Variants in HLTF observed in about 807,000 individuals in gnomAD.
HLTF encodes helicase like transcription factor.
A neutral mutation model predicts 129.4 loss-of-function variants in HLTF; 127 were observed. That is an observed-to-expected ratio of 0.98 (90% confidence interval 0.85 to 1.14). HLTF has a LOEUF of 1.14. HLTF is among the 50% of genes most tolerant of loss of function. HLTF has a pLI of 0.00. For synonymous variants in HLTF, 332 were observed against 388.8 expected (o/e 0.85, Z 1.72); for missense variants, 1,139 against 1,187.1 (o/e 0.96, Z 0.60).
intron 1 of HLTF, among the ~76,000 whole-genome samples, chr3:149,085,944 A>ATC (rs1720347622): frequency 6.6e-6 from 1 of 152,152 alleles, no homozygotes; most frequent in South Asian, 2.1e-4. Flanking sequence ...GTGCATACAG[A>ATC]TAAGCTGTGA....
At chr3:149,068,018 G>A (rs947382193) in intron 8 of HLTF, among the ~76,000 whole-genome samples, 15 of 152,042 alleles carry the variant, frequency 9.9e-5, no homozygotes, top group African/African-American at 1.4e-4. Context: ...CTGAGATTGC[G>A]CCACTGCACT....
chr3:149,042,082 T>C, intron 19 of HLTF, 84 bp downstream of exon 19: 1 of 1,199,202 alleles, frequency 8.3e-7, no homozygotes, highest in Non-Finnish European at 1.2e-6. Flanking sequence ...ATAAACTAAA[T>C]GTATGCCACA....
chr3:149,031,569 T>A lies in HLTF; in HGVS notation c.*651A>T, dbSNP rs1715050982. ...TTTAAACAATGAGTGTAGTACTACT[T>A]AACTAAAATGGAAAAAATAGTACTC... On this transcript the variant is annotated 3_prime_UTR_variant, in exon 25 of 25. Coordinates refer to ENST00000310053, the MANE Select transcript of HLTF (RefSeq NM_003071.4). 1 of 152,410 alleles carries A rather than the reference T, an allele frequency of 6.6e-6. No individual in the cohort carries two copies. Among genetic ancestry groups the A allele is most frequent in the African/African-American group, 2.4e-5 (1 of 41,334 alleles). 9.4% of individuals were successfully genotyped at this position (152,410 alleles called of 1,614,324 possible). A position where few individuals can be genotyped will look rare whatever the true frequency, so the allele number is the denominator to read the frequency against.
intron 7 of HLTF, among the ~76,000 whole-genome samples, chr3:149,069,145 T>G (rs981758558): frequency 6.7e-6 from 1 of 149,638 alleles, no homozygotes; most frequent in African/African-American, 2.5e-5. Flanking sequence ...TATTCTTAAC[T>G]GCCACATACA....
intron 15 of HLTF, 35 bp from the exon 16 acceptor site, chr3:149,049,036 A>G (rs1193784060): frequency 7.7e-6 from 11 of 1,434,512 alleles, no homozygotes; most frequent in Non-Finnish European, 9.7e-6. Context: ...TAAAAAACAC[A>G]GGAAAGTAAA....
At chr3:149,048,249 T>C in intron 16 of HLTF, 86 bp from the exon 17 acceptor site, 1 of 1,009,698 alleles carries the variant, frequency 9.9e-7, no homozygotes. Context: ...AAGACAACAA[T>C]TGAAAATGGG....
chr3:149,064,965 C>A, intron 8 of HLTF, 99 bp from the exon 9 acceptor site: 1 of 606,216 alleles, frequency 1.6e-6, no homozygotes, highest in Non-Finnish European at 2.8e-6. Flanking sequence ...ATAATAAAAA[C>A]GACTTAAATT....
At position 149,040,048 on chromosome 3, in the gene HLTF, A is replaced by G; in HGVS notation, c.2485T>C (p.Trp829Arg). The G allele has an allele frequency of 6.2e-7, 1 of 1,611,114 alleles. No homozygotes were observed. The highest frequency in any genetic ancestry group is 8.5e-7 in the Non-Finnish European group (1 of 1,179,084). The change falls in exon 21 of 25, where the codon TGG becomes CGG. Residue 829 changes from tryptophan to arginine, a missense_variant. Transcript: ENST00000310053. Reference protein sequence around the residue: ...RDSEKKSDMEWTSSSKINALM... With the variant: ...RDSEKKSDMERTSSSKINALM... ...TACTTTACCTTTGAACTGGATGTCC[A>G]TTCCATATCAGACTTTTTCTCACTG...
At chr3:149,038,498 T>C (rs1356964085) in intron 23 of HLTF, among the ~76,000 whole-genome samples, 2 of 151,912 alleles carry the variant, frequency 1.3e-5, no homozygotes, top group African/African-American at 4.8e-5. Flanking sequence ...AAACAGAGCA[T>C]TTTTTTTCTT....
intron 14 of HLTF, among the ~76,000 whole-genome samples, chr3:149,052,381 G>A (rs1233754120): frequency 6.6e-6 from 1 of 151,900 alleles, no homozygotes; most frequent in Non-Finnish European, 1.5e-5. Context: ...AAGGGTAAAG[G>A]CCTGGGATCC....
At chr3:149,055,935 T>C (rs1717393371) in intron 13 of HLTF, among the ~76,000 whole-genome samples, 1 of 152,246 alleles carries the variant, frequency 6.6e-6, no homozygotes, top group Admixed American at 6.5e-5. Context: ...CTCCAATCTT[T>C]CACTCTGGTG....
At chr3:149,062,858 T>C (rs2108022473) in intron 10 of HLTF, among the ~76,000 whole-genome samples, 1 of 152,194 alleles carries the variant, frequency 6.6e-6, no homozygotes, top group East Asian at 1.9e-4. Flanking sequence ...CTTGACAAAA[T>C]AGAAAAAAAG....
In HLTF at chr3:149,059,576, C is replaced by G. The variant is rs1717748817; in HGVS notation, c.1375+142G>C. 3.2e-5 allele frequency: 19 copies of G among 586,926 alleles called. No homozygotes were observed. The South Asian group carries it at 3.8e-4, about 12-fold the overall frequency. 36.4% of individuals were successfully genotyped at this position (586,926 alleles called of 1,614,324 possible). On this transcript the variant is annotated intron_variant, in intron 13 of 24. Coordinates refer to ENST00000310053, the MANE Select transcript of HLTF (RefSeq NM_003071.4). The stretch of plus-strand genomic sequence containing the variant: ...AAACAAATTATGAGGTAGCTTTGTT[C>G]TTTTAATGGGTTATATACTTTAAAA...
chr3:149,040,478 A>C (rs1038805756), intron 20 of HLTF, among the ~76,000 whole-genome samples: 5 of 152,044 alleles, frequency 3.3e-5, no homozygotes, highest in Non-Finnish European at 5.9e-5. Flanking sequence ...ACCTAAATAC[A>C]ATACAGCTAC....
chr3:149,057,107 CAAAAAAAAA>C (rs56809507), intron 13 of HLTF, among the ~76,000 whole-genome samples: 6 of 27,744 alleles, frequency 2.2e-4, no homozygotes, highest in East Asian at 1.3e-3. Context: ...GACTCCGTCT[CAAAAAAAAA>C]AAAAAAAAAA....
intron 13 of HLTF, among the ~76,000 whole-genome samples, chr3:149,059,185 C>CTAT (rs146997807): frequency 0.028 from 4,223 of 152,214 alleles, 81 homozygotes; most frequent in South Asian, 0.07. Context: ...CCTGCTATAT[C>CTAT]CCCAACATGT....
intron 23 of HLTF, among the ~76,000 whole-genome samples, chr3:149,035,262 A>G (rs1386612777): frequency 6.6e-6 from 1 of 152,064 alleles, no homozygotes. Flanking sequence ...GTATTTGTTG[A>G]TTAATCAATT....
At chr3:149,081,190 A>C (rs1405695838) in intron 2 of HLTF, among the ~76,000 whole-genome samples, 1 of 152,102 alleles carries the variant, frequency 6.6e-6, no homozygotes, top group Non-Finnish European at 1.5e-5. Flanking sequence ...TAGAAAAAGA[A>C]ATAAACCACA....
intron 13 of HLTF, 60 bp from the exon 14 acceptor site, chr3:149,055,460 A>G: frequency 3.7e-6 from 4 of 1,086,458 alleles, no homozygotes; most frequent in South Asian, 1.3e-5. Flanking sequence ...ATATGTCAAT[A>G]AGGAGATGGC....
Sources: gnomAD v4.1 joint callset for allele counts (sites outside exome capture counted in the v4.1 genomes callset) on GRCh38, gnomAD v4.1.1 for gene constraint, MANE v1.5 for transcripts, NCBI Gene and HGNC (gene_info 2026-07-23, HGNC 2026-07-21) for gene names.